The following NIPAL3 variants were observed in gnomAD, a reference collection of about 807,000 sequenced individuals.
NIPAL3 encodes the protein NIPA like domain containing 3.
A neutral mutation model predicts 47.2 loss-of-function variants in NIPAL3; 41 were observed. That is an observed-to-expected ratio of 0.87 (90% CI 0.68 to 1.13). The LOEUF is 1.13. NIPAL3 is among the 50% of genes most tolerant of loss of function. The pLI is 0.00. For missense variants in NIPAL3, 449 were observed against 530.1 expected (o/e 0.85, Z 1.50); for synonymous variants, 194 against 209.6 (o/e 0.93, Z 0.64).
chr1:24,453,648 T>G (rs1364252093), intron 7 of NIPAL3, 144 bp downstream of exon 7: 1 of 677,282 alleles, frequency 1.5e-6, no homozygotes, highest in Non-Finnish European at 2.6e-6. Context: ...TCAGTGGCTC[T>G]GGGGAGCTGG....
At chr1:24,419,212 T>C in intron 1 of NIPAL3, 79 bp from the exon 2 acceptor site, 1 of 687,082 alleles carries the variant, frequency 1.5e-6, no homozygotes, top group Non-Finnish European at 1.8e-6. Context: ...ATCTGAATGG[T>C]ATTCTCTTCT....
chr1:24,415,865 A>G lies in NIPAL3; in HGVS notation c.-297A>G, dbSNP rs1643995998. 1 of 985,380 alleles carries G rather than the reference A, an allele frequency of 1.0e-6. No individual in the cohort carries two copies. Among genetic ancestry groups the G allele is most frequent in the African/African-American group, 1.7e-5 (1 of 57,246 alleles). The allele number at this position is 985,380 out of a possible 1,614,324, so 61.0% of individuals were successfully genotyped here. A position where few individuals can be genotyped will look rare whatever the true frequency, so the allele number is the denominator to read the frequency against. ...GCACGAAGAGTCCGAGTCATTTCTC[A>G]GAAGGTTTTGATAGGTGGGCCTTAG... is the stretch of plus-strand genomic sequence containing the variant. On this transcript the variant is annotated 5_prime_UTR_variant, in exon 1 of 12. Transcript: ENST00000374399.
chr1:24,450,012 G>A (rs1645862267), intron 6 of NIPAL3, among the ~76,000 whole-genome samples: 1 of 152,176 alleles, frequency 6.6e-6, no homozygotes, highest in Admixed American at 6.5e-5. Context: ...ACTCCAGGCT[G>A]GAGACTCCTC....
chr1:24,418,031 G>C (rs1308093951), intron 1 of NIPAL3, among the ~76,000 whole-genome samples: 1 of 152,204 alleles, frequency 6.6e-6, no homozygotes, highest in Non-Finnish European at 1.5e-5. Flanking sequence ...CATTTGCTAT[G>C]CCTGCATTTT....
In NIPAL3 at chr1:24,456,282, C is replaced by A; in HGVS notation, c.773+9C>A. 1.2e-6 allele frequency: 2 copies of A among 1,614,220 alleles called. No individual in the cohort carries two copies. Among genetic ancestry groups the A allele is most frequent in the Non-Finnish European group, 1.7e-6 (2 of 1,180,026 alleles). On this transcript the variant is annotated intron_variant, in intron 8 of 11. Coordinates refer to ENST00000374399, the MANE Select transcript of NIPAL3 (RefSeq NM_020448.5). ...GCCGTCTATCAGGCTGCGTGAGTTA[C>A]AAATCCTTTTCCTGCTGGGCCCTGC... is the stretch of plus-strand genomic sequence containing the variant.
In NIPAL3 at chr1:24,471,076, C is replaced by T. The variant is rs887993994; in HGVS notation, c.*1891C>T. On this transcript the variant is annotated 3_prime_UTR_variant, in exon 12 of 12. Transcript: ENST00000374399. ...ATGGAGACCCTGCTAAAGGTCGGAC[C>T]CTGAGCCCAAAGGGGTATTCAGAAG... 1.3e-5 allele frequency: 2 copies of T among 152,178 alleles called. No individual in the cohort carries two copies. The highest frequency in any genetic ancestry group is 4.8e-5 in the African/African-American group (2 of 41,428). 9.4% of individuals were successfully genotyped at this position (152,178 alleles called of 1,614,324 possible).
rs56978150 is a variant in NIPAL3 at position 24,454,031 on chromosome 1, CT to C, written c.637+542del. 143,897 of 428,620 alleles carry C rather than the reference CT, an allele frequency of 0.34. 11,447 individuals carry two copies. Among genetic ancestry groups the C allele is most frequent in the African/African-American group, 0.53 (23,412 of 44,290 alleles). The allele number at this position is 428,620 out of a possible 1,614,324, so 26.6% of individuals were successfully genotyped here. A position where few individuals can be genotyped will look rare whatever the true frequency, so the allele number is the denominator to read the frequency against. ...GGCTAGAACTGCATATTAATTTTTC[CT>C]TTTTTTTTTTTTTTGAGACAGTCTT... On this transcript the variant is annotated intron_variant, in intron 7 of 11. Transcript: ENST00000374399. This position sits in a 1 kb window ranked among gnomAD's most constrained non-coding sequence, Gnocchi z 4.1.
intron 11 of NIPAL3, chr1:24,465,327 G>A (rs1161219242): frequency 6.6e-6 from 1 of 152,002 alleles, no homozygotes; most frequent in Non-Finnish European, 1.5e-5. Context: ...ATTCCAGATA[G>A]GTGAGGTGTC....
At chr1:24,436,177 A>G (rs907747088) in intron 2 of NIPAL3, among the ~76,000 whole-genome samples, 9 of 152,166 alleles carry the variant, frequency 5.9e-5, no homozygotes, top group African/African-American at 1.4e-4. Context: ...ATTCAGATGT[A>G]CAGATGCCTT....
chr1:24,468,996 C>T lies in NIPAL3; in HGVS notation c.1032C>T (p.Asn344=), dbSNP rs746062307. 1 of 1,614,156 alleles carries T rather than the reference C, an allele frequency of 6.2e-7. No homozygotes were observed. Among genetic ancestry groups the T allele is most frequent in the Non-Finnish European group, 8.5e-7 (1 of 1,180,004 alleles). ...TGGATTTCATTTCAGGTATGCAGAA[C>T]ATGCACGATAAAGGGATGACTGTCC... is the stretch of plus-strand genomic sequence containing the variant. The part of the protein sequence containing the change: ...ISMDAMPGMQ[N]MHDKGMTVQP... The change falls in exon 12 of 12, where the codon AAC becomes AAT. Residue 344 remains asparagine, a synonymous_variant. Transcript: ENST00000374399.
chr1:24,456,599 AAAAATAAAAT>A (rs954356966), intron 8 of NIPAL3, among the ~76,000 whole-genome samples: 1 of 152,160 alleles, frequency 6.6e-6, no homozygotes, highest in African/African-American at 2.4e-5. Flanking sequence ...AAAAATACAA[AAAAATAAAAT>A]AAAATTAGCT....
intron 6 of NIPAL3, among the ~76,000 whole-genome samples, chr1:24,452,109 C>G (rs1645965783): frequency 6.6e-6 from 1 of 152,176 alleles, no homozygotes; most frequent in Non-Finnish European, 1.5e-5. Flanking sequence ...GCAAATGAGA[C>G]TAAGCTGTTG....
Position 24,416,049 on chromosome 1 carries a change from C to T in NIPAL3, c.-258+145C>T. ...GCCTCGCCAACCTGGGTCCCGTTGC[C>T]TTGGAATGTTCTTTCCAGTTTTGCA... On this transcript the variant is annotated intron_variant, in intron 1 of 11. Coordinates refer to ENST00000374399, the MANE Select transcript of NIPAL3 (RefSeq NM_020448.5). This position sits in a 1 kb window ranked among gnomAD's most constrained non-coding sequence, Gnocchi z 4.8. The T allele has an allele frequency of 1.0e-6, 1 of 985,632 alleles. No homozygotes were observed. Among genetic ancestry groups the T allele is most frequent in the Non-Finnish European group, 1.2e-6 (1 of 830,094 alleles). 61.1% of individuals were successfully genotyped at this position (985,632 alleles called of 1,614,324 possible).
At chr1:24,434,427 C>T (rs1645009599) in intron 2 of NIPAL3, among the ~76,000 whole-genome samples, 2 of 151,944 alleles carry the variant, frequency 1.3e-5, no homozygotes, top group Non-Finnish European at 2.9e-5. Context: ...CCTACACAGC[C>T]CCAAAATACA....
chr1:24,469,205 A>G lies in NIPAL3; in HGVS notation c.*20A>G, dbSNP rs1046660842. On this transcript the variant is annotated 3_prime_UTR_variant, in exon 12 of 12. Transcript: ENST00000374399. Reference sequence around the variant, plus strand: ...GAATGAGACTCGCCTCCCTCTATTTATAACTGTCCCCTCCAGGCTGACAGT... The same window carrying G: ...GAATGAGACTCGCCTCCCTCTATTTGTAACTGTCCCCTCCAGGCTGACAGT... The G allele has an allele frequency of 1.9e-6, 3 of 1,604,054 alleles. No homozygotes were observed. Among genetic ancestry groups the G allele is most frequent in the Non-Finnish European group, 2.6e-6 (3 of 1,174,120 alleles).
Position 24,424,913 on chromosome 1 carries a change from T to C in NIPAL3, c.93+5273T>C, listed in dbSNP as rs573185278. 4.8e-4 allele frequency among the ~76,000 whole-genome samples: 73 copies of C among 152,280 alleles called. No individual in the cohort carries two copies. In the Middle Eastern group the frequency reaches 0.024, roughly 50 times the overall value. On this transcript the variant is annotated intron_variant, in intron 2 of 11. Coordinates refer to ENST00000374399, the MANE Select transcript of NIPAL3 (RefSeq NM_020448.5). ...TCTTACCTTTGGGAGGAGGAAAATATTGAGAGACTCTTAAGTCCAGCTTGA... is the reference window on the plus strand; with the variant it reads ...TCTTACCTTTGGGAGGAGGAAAATACTGAGAGACTCTTAAGTCCAGCTTGA...
In NIPAL3 at chr1:24,419,526, T is replaced by C. The variant is rs2148740023; in HGVS notation, c.-22T>C. On this transcript the variant is annotated 5_prime_UTR_variant, in exon 2 of 12. Coordinates refer to ENST00000374399, the MANE Select transcript of NIPAL3 (RefSeq NM_020448.5). ...GCTCCACCTCCTAGGCCAGGCCCTG[T>C]GGGATGCGCCACTAGACCACCATGG... is the stretch of plus-strand genomic sequence containing the variant. 7 of 1,601,660 alleles carry C rather than the reference T, an allele frequency of 4.4e-6. No homozygotes were observed. Among genetic ancestry groups the C allele is most frequent in the Non-Finnish European group, 6.0e-6 (7 of 1,174,146 alleles).
intron 5 of NIPAL3, among the ~76,000 whole-genome samples, chr1:24,445,917 G>T (rs1178313358): frequency 6.6e-6 from 1 of 152,190 alleles, no homozygotes; most frequent in African/African-American, 2.4e-5. Flanking sequence ...AGAGGCAGAA[G>T]TGTCACTTTA....
intron 2 of NIPAL3, among the ~76,000 whole-genome samples, chr1:24,437,738 T>A (rs1645188450): frequency 6.6e-6 from 1 of 152,108 alleles, no homozygotes; most frequent in Non-Finnish European, 1.5e-5. Context: ...AGAAAGAGAT[T>A]CTGGGCTGCC....
Sources: allele counts gnomAD v4.1 joint callset (sites outside exome capture counted in the v4.1 genomes callset), GRCh38; gene constraint gnomAD v4.1.1; non-coding constraint Gnocchi (gnomAD v3.1); transcripts MANE v1.5; gene names NCBI Gene and HGNC (gene_info 2026-07-23, HGNC 2026-07-21).